Variants in CAV1 observed in about 807,000 individuals in gnomAD.
CAV1 encodes the protein caveolin-1.
Under a neutral mutation model 16.5 loss-of-function variants are expected in CAV1, and 10 were observed. That is an observed-to-expected ratio of 0.61 (90% CI 0.37 to 1.03). The LOEUF (loss-of-function observed/expected upper bound fraction) is 1.03, where lower values mean the gene tolerates loss of function less well. CAV1 is among the 50% of genes least tolerant of loss of function. The pLI, the probability that CAV1 is intolerant of heterozygous loss-of-function variation, is 0.01. For missense variants in CAV1, 212 were observed against 232.8 expected, an observed-to-expected ratio of 0.91 and a Z score of 0.58; for synonymous variants, 76 against 85.1, an observed-to-expected ratio of 0.89 and a Z score of 0.59.
At chr7:116,526,489 T>A (rs1331353102) in intron 1 of CAV1, 36 bp from the exon 2 acceptor site, 9 of 1,612,902 alleles carry the variant, frequency 5.6e-6, no homozygotes, top group Non-Finnish European at 7.6e-6. Context: ...GTTGCCGCCC[T>A]CCCCGTCCTG....
chr7:116,526,497 C>T (rs750124827), intron 1 of CAV1, 28 bp from the exon 2 acceptor site: 2 of 1,613,564 alleles, frequency 1.2e-6, no homozygotes, highest in Non-Finnish European at 8.5e-7. Context: ...CCTCCCCGTC[C>T]TGGCCGTCCG....
Position 116,525,054 on chromosome 7 carries a change from C to A in CAV1, c.-9C>A. 5.6e-6 allele frequency: 9 copies of A among 1,614,206 alleles called. No homozygotes were observed. The highest frequency in any genetic ancestry group is 7.6e-6 in the Non-Finnish European group (9 of 1,179,994). ...CCTCCTCACAGTTTTCATCCAGCCA[C>A]GGGCCAGCATGTCTGGGGGCAAATA... On this transcript the variant is annotated 5_prime_UTR_variant, in exon 1 of 3. Coordinates refer to ENST00000341049, the MANE Select transcript of CAV1 (RefSeq NM_001753.5).
chr7:116,547,417 A>G (rs574773156), intron 2 of CAV1, among the ~76,000 whole-genome samples: 6 of 152,328 alleles, frequency 3.9e-5, no homozygotes, highest in South Asian at 2.1e-4. Flanking sequence ...GGAAAGGAGG[A>G]ATAAGATGAA....
chr7:116,525,710 G>C, intron 1 of CAV1: 6 of 1,069,780 alleles, frequency 5.6e-6, no homozygotes, highest in Non-Finnish European at 6.9e-6. Context: ...AGCTCTGCCC[G>C]GGTGTGGAAA....
At chr7:116,553,718 C>A (rs1293667822) in intron 2 of CAV1, among the ~76,000 whole-genome samples, 1 of 152,136 alleles carries the variant, frequency 6.6e-6, no homozygotes, top group African/African-American at 2.4e-5. Flanking sequence ...GCAAGACCAG[C>A]CCTTGTAGAA....
chr7:116,551,258 T>G (rs1794157301), intron 2 of CAV1, among the ~76,000 whole-genome samples: 1 of 152,222 alleles, frequency 6.6e-6, no homozygotes, highest in African/African-American at 2.4e-5. Context: ...CCTGTGCTAG[T>G]GCTGAATGGA....
At position 116,555,448 on chromosome 7, in the gene CAV1, A is replaced by G. The variant is rs866849191; in HGVS notation, c.196-3498A>G. On this transcript the variant is annotated intron_variant, in intron 2 of 2. Transcript: ENST00000341049. Reference sequence around the variant, plus strand: ...AGCAAGAACCTGTCTCCAAAAAAAGAAAGGAAGGAAGGAAGGAAGGAAGGA... The same window carrying G: ...AGCAAGAACCTGTCTCCAAAAAAAGGAAGGAAGGAAGGAAGGAAGGAAGGA... Among the ~76,000 whole-genome samples, 85 of 37,388 alleles carry G rather than the reference A, an allele frequency of 2.3e-3. 1 individual carries two copies. Among genetic ancestry groups the G allele is most frequent in the Non-Finnish European group, 3.9e-3 (70 of 18,168 alleles). The allele number at this position is 37,388 out of a possible 152,430, so 24.5% of individuals were successfully genotyped here.
intron 2 of CAV1, among the ~76,000 whole-genome samples, chr7:116,537,479 C>T (rs886068737): frequency 2.0e-5 from 3 of 152,048 alleles, no homozygotes; most frequent in African/African-American, 7.3e-5. Context: ...CCATCATATT[C>T]CTTTTGCAGA....
chr7:116,555,518 AAGAG>A lies in CAV1; in HGVS notation c.196-3404_196-3401del, dbSNP rs1187575266. 1.5e-3 allele frequency among the ~76,000 whole-genome samples: 21 copies of A among 14,056 alleles called. 7 individuals carry two copies. The East Asian group carries it at 0.031, about 21-fold the overall frequency. The allele number at this position is 14,056 out of a possible 152,430, so 9.2% of individuals were successfully genotyped here. On this transcript the variant is annotated intron_variant, in intron 2 of 2. Transcript: ENST00000341049. ...AAAGAAAGAAAGAAAGAAAGAAAGA[AAGAG>A]AGAGAGAGAGAGAGAGAGAGAGAAA... is the stretch of plus-strand genomic sequence containing the variant.
At chr7:116,530,075 A>C (rs564944368) in intron 2 of CAV1, among the ~76,000 whole-genome samples, 1 of 152,230 alleles carries the variant, frequency 6.6e-6, no homozygotes, top group Non-Finnish European at 1.5e-5. Context: ...AATTCCTACA[A>C]TAAATCCTAG....
At chr7:116,527,002 G>A in intron 2 of CAV1, 1 of 408,538 alleles carries the variant, frequency 2.4e-6, no homozygotes. Context: ...GCAACAGACG[G>A]CCCATACTCC....
chr7:116,529,793 T>C (rs1793645779), intron 2 of CAV1, among the ~76,000 whole-genome samples: 1 of 152,224 alleles, frequency 6.6e-6, no homozygotes, highest in Non-Finnish European at 1.5e-5. Flanking sequence ...TTTACCCAAA[T>C]ATAGACATTT....
At chr7:116,542,138 C>T (rs1243923001) in intron 2 of CAV1, among the ~76,000 whole-genome samples, 1 of 152,202 alleles carries the variant, frequency 6.6e-6, no homozygotes, top group Non-Finnish European at 1.5e-5. Flanking sequence ...AAAAGGTCAG[C>T]ATGAAGCATT....
chr7:116,552,289 T>C (rs1021494946), intron 2 of CAV1, among the ~76,000 whole-genome samples: 12 of 152,230 alleles, frequency 7.9e-5, no homozygotes, highest in African/African-American at 2.7e-4. Flanking sequence ...TGCTAAAACT[T>C]GTATCAATGT....
At chr7:116,555,514 AAGAAAG>A (rs1300457405) in intron 2 of CAV1, among the ~76,000 whole-genome samples, 2 of 10,284 alleles carry the variant, frequency 1.9e-4, no homozygotes, top group Non-Finnish European at 3.8e-4. Flanking sequence ...GAAAGAAAGA[AAGAAAG>A]AGAGAGAGAG....
intron 2 of CAV1, among the ~76,000 whole-genome samples, chr7:116,530,208 C>CTCTTTTTTTTTTTTTTTTTT (rs370865342): frequency 4.0e-5 from 5 of 125,360 alleles, no homozygotes; most frequent in African/African-American, 1.6e-4. Flanking sequence ...GTCCTTTTTC[C>CTCTTTTTTTTTTTTTTTTTT]TTTTTTTTTT....
intron 2 of CAV1, among the ~76,000 whole-genome samples, chr7:116,551,006 G>A (rs929812230): frequency 6.6e-6 from 1 of 152,146 alleles, no homozygotes; most frequent in Admixed American, 6.5e-5. Flanking sequence ...AACAAACTAG[G>A]GCTGTCAGGA....
chr7:116,557,727 T>C (rs1461021201), intron 2 of CAV1, among the ~76,000 whole-genome samples: 4 of 152,126 alleles, frequency 2.6e-5, no homozygotes, highest in Non-Finnish European at 4.4e-5. Context: ...TTTTCTTTTT[T>C]TTATGACCAC....
chr7:116,556,231 A>C (rs754634426), intron 2 of CAV1, among the ~76,000 whole-genome samples: 1 of 152,228 alleles, frequency 6.6e-6, no homozygotes, highest in Non-Finnish European at 1.5e-5. Flanking sequence ...ATTATTAAGA[A>C]ATCTTACACA....
Sources: gnomAD v4.1 joint callset for allele counts (sites outside exome capture counted in the v4.1 genomes callset) on GRCh38, gnomAD v4.1.1 for gene constraint, MANE v1.5 for transcripts, NCBI Gene and HGNC (gene_info 2026-07-23, HGNC 2026-07-21) for gene names.